The following PIP5K1B variants were observed in gnomAD, a reference collection of about 807,000 sequenced individuals.
PIP5K1B encodes phosphatidylinositol 4-phosphate 5-kinase type-1 beta.
A neutral mutation model predicts 67.0 loss-of-function variants in PIP5K1B; 42 were observed. The ratio of observed to expected loss-of-function variants is 0.63; its 90% CI spans 0.49 to 0.81. The LOEUF is 0.81. Ranked by LOEUF, PIP5K1B falls within the 30% of genes least tolerant of loss-of-function variation. The pLI, the probability that PIP5K1B is intolerant of heterozygous loss-of-function variation, is 0.00. For synonymous variants in PIP5K1B, 214 were observed against 231.4 expected, an observed-to-expected ratio of 0.92 and a Z score of 0.68; for missense variants, 459 against 646.3, an observed-to-expected ratio of 0.71 and a Z score of 3.14.
intron 2 of PIP5K1B, among the ~76,000 whole-genome samples, chr9:68,764,836 A>G (rs1251891189): frequency 6.6e-6 from 1 of 152,088 alleles, no homozygotes; most frequent in Non-Finnish European, 1.5e-5. Context: ...TTTGTAATTG[A>G]TTTTGAAATT....
intron 1 of PIP5K1B, among the ~76,000 whole-genome samples, chr9:68,720,000 ATT>A (rs889623670): frequency 6.6e-6 from 1 of 152,140 alleles, no homozygotes; most frequent in Admixed American, 6.5e-5. Context: ...TTGTTTCTTC[ATT>A]TGTCCGCCTC....
intron 3 of PIP5K1B, among the ~76,000 whole-genome samples, chr9:68,821,323 G>T (rs930594364): frequency 5.9e-5 from 9 of 152,226 alleles, no homozygotes; most frequent in Admixed American, 2.6e-4. Flanking sequence ...AGCAATTAAT[G>T]ACCTTAAAAC....
intron 8 of PIP5K1B, among the ~76,000 whole-genome samples, chr9:68,902,362 A>G (rs1825406514): frequency 6.6e-6 from 1 of 152,210 alleles, no homozygotes; most frequent in Admixed American, 6.5e-5. Flanking sequence ...ATGGAATCAT[A>G]CAGTATATAA....
At chr9:68,960,665 C>T (rs1002528599) in intron 14 of PIP5K1B, among the ~76,000 whole-genome samples, 55 of 152,088 alleles carry the variant, frequency 3.6e-4, no homozygotes, top group African/African-American at 1.3e-3. Context: ...TCTACTGTTA[C>T]GTTTTTACTT....
At chr9:68,885,476 G>A (rs891401414) in intron 6 of PIP5K1B, among the ~76,000 whole-genome samples, 1 of 152,200 alleles carries the variant, frequency 6.6e-6, no homozygotes, top group Non-Finnish European at 1.5e-5. Flanking sequence ...ACAAGGAAGT[G>A]TGTATGGTGA....
intron 4 of PIP5K1B, among the ~76,000 whole-genome samples, chr9:68,858,353 T>C (rs1822889662): frequency 6.6e-6 from 1 of 152,164 alleles, no homozygotes; most frequent in African/African-American, 2.4e-5. Flanking sequence ...ATATCTCTGA[T>C]TTAGAATTAG....
At chr9:68,774,894 C>G (rs1199189321) in intron 2 of PIP5K1B, among the ~76,000 whole-genome samples, 1 of 152,230 alleles carries the variant, frequency 6.6e-6, no homozygotes, top group Non-Finnish European at 1.5e-5. Flanking sequence ...AAGTCTCACT[C>G]AGATAGTATC....
chr9:68,812,717 G>A (rs1833234574), intron 2 of PIP5K1B, among the ~76,000 whole-genome samples: 1 of 152,182 alleles, frequency 6.6e-6, no homozygotes, highest in Non-Finnish European at 1.5e-5. Context: ...AGACTGGTTA[G>A]GAGAAATAAT....
chr9:68,803,006 A>G (rs1832685465), intron 2 of PIP5K1B, among the ~76,000 whole-genome samples: 1 of 152,230 alleles, frequency 6.6e-6, no homozygotes, highest in Non-Finnish European at 1.5e-5. Flanking sequence ...GTTAGAAATG[A>G]TGAGATCTCA....
At position 68,863,941 on chromosome 9, in the gene PIP5K1B, T is replaced by C; in HGVS notation, c.174T>C (p.Tyr58=). The change falls in exon 5 of 16, where the codon TAT becomes TAC. Residue 58 remains tyrosine, a synonymous_variant. Transcript: ENST00000265382. The part of the protein sequence containing the change: ...PERDVLMQDF[Y]VVESVFLPSE... ...GAGATGTTCTTATGCAAGACTTTTA[T>C]GTGGTGGAAAGTGTGTTCCTACCCA... The C allele has an allele frequency of 6.2e-7, 1 of 1,613,908 alleles. No individual in the cohort carries two copies. The highest frequency in any genetic ancestry group is 8.5e-7 in the Non-Finnish European group (1 of 1,179,788).
chr9:68,792,217 T>G (rs1177613820), intron 2 of PIP5K1B, among the ~76,000 whole-genome samples: 1 of 152,194 alleles, frequency 6.6e-6, no homozygotes, highest in South Asian at 2.1e-4. Flanking sequence ...ACTAAGCCTT[T>G]TATTTATGTC....
At chr9:68,911,031 G>T (rs1825819838) in intron 8 of PIP5K1B, among the ~76,000 whole-genome samples, 1 of 152,240 alleles carries the variant, frequency 6.6e-6, no homozygotes, top group Non-Finnish European at 1.5e-5. Context: ...GTAGGGATGT[G>T]ATGTGACCTG....
intron 4 of PIP5K1B, among the ~76,000 whole-genome samples, chr9:68,827,178 G>T (rs1834031310): frequency 6.6e-6 from 1 of 152,206 alleles, no homozygotes; most frequent in South Asian, 2.1e-4. Flanking sequence ...TACAGGAGAG[G>T]CTGGCCTGGA....
intron 4 of PIP5K1B, among the ~76,000 whole-genome samples, chr9:68,836,034 G>A (rs1371738064): frequency 6.6e-6 from 1 of 152,040 alleles, no homozygotes; most frequent in East Asian, 1.9e-4. Context: ...GCAGAAGCAA[G>A]TGCCACCCTC....
chr9:68,707,293 A>G (rs1380827149), intron 1 of PIP5K1B, among the ~76,000 whole-genome samples: 1 of 152,202 alleles, frequency 6.6e-6, no homozygotes, highest in African/African-American at 2.4e-5. Flanking sequence ...ATTTAATAAT[A>G]ACACCTTACA....
At chr9:68,857,603 C>G (rs144036575) in intron 4 of PIP5K1B, among the ~76,000 whole-genome samples, 1 of 152,160 alleles carries the variant, frequency 6.6e-6, no homozygotes, top group African/African-American at 2.4e-5. Context: ...TGGCGGCTCA[C>G]GCCTGTAATC....
intron 2 of PIP5K1B, among the ~76,000 whole-genome samples, chr9:68,798,747 C>A (rs12345981): frequency 6.6e-6 from 1 of 152,154 alleles, no homozygotes; most frequent in Admixed American, 6.5e-5. Flanking sequence ...TACACAAGGC[C>A]TAACCTGAAC....
At chr9:68,947,523 A>G (rs1827857776) in intron 14 of PIP5K1B, among the ~76,000 whole-genome samples, 1 of 152,224 alleles carries the variant, frequency 6.6e-6, no homozygotes, top group South Asian at 2.1e-4. Context: ...TGCAAAGTAG[A>G]GTTGAGATAG....
chr9:68,766,497 C>T (rs573143423), intron 2 of PIP5K1B, among the ~76,000 whole-genome samples: 4 of 152,176 alleles, frequency 2.6e-5, no homozygotes, highest in Admixed American at 2.0e-4. Flanking sequence ...CCATACTTCA[C>T]AGCCATTGAA....
Sources: gnomAD v4.1 joint callset for allele counts (sites outside exome capture counted in the v4.1 genomes callset) on GRCh38, gnomAD v4.1.1 for gene constraint, MANE v1.5 for transcripts, NCBI Gene and HGNC (gene_info 2026-07-23, HGNC 2026-07-21) for gene names.